The following STPG2 variants were observed in gnomAD, a reference collection of about 807,000 sequenced individuals.
STPG2 encodes the protein sperm tail PG-rich repeat containing 2.
In STPG2, 56 loss-of-function variants were observed where a neutral mutation model predicts 54.2. That is an observed-to-expected ratio of 1.03 (90% CI 0.83 to 1.29). STPG2 has a LOEUF of 1.29. STPG2 is among the 50% of genes most tolerant of loss of function. The pLI is 0.00. For synonymous variants in STPG2, 200 were observed against 181.8 expected (o/e 1.10, Z -0.81); for missense variants, 596 against 544.9 (o/e 1.09, Z -0.93).
At chr4:97,986,730 T>C (rs1017785958) in intron 5 of STPG2, among the ~76,000 whole-genome samples, 4 of 152,232 alleles carry the variant, frequency 2.6e-5, no homozygotes, top group Non-Finnish European at 5.9e-5. Context: ...ATTTTACCCA[T>C]ATGTTTTGGC....
intron 9 of STPG2, among the ~76,000 whole-genome samples, chr4:97,770,396 G>A (rs576141285): frequency 7.9e-5 from 12 of 152,110 alleles, no homozygotes; most frequent in Non-Finnish European, 1.6e-4. Flanking sequence ...GAACATTACA[G>A]GGTGAAGCTC....
chr4:97,759,615 G>A (rs557880253), intron 9 of STPG2, among the ~76,000 whole-genome samples: 3 of 152,102 alleles, frequency 2.0e-5, no homozygotes, highest in African/African-American at 7.2e-5. Flanking sequence ...AGAAAAGAAG[G>A]TTGGAGGATT....
At chr4:98,051,432 G>C (rs1269140256) in intron 5 of STPG2, among the ~76,000 whole-genome samples, 1 of 152,036 alleles carries the variant, frequency 6.6e-6, no homozygotes, top group Non-Finnish European at 1.5e-5. Context: ...TGGGGCTTTA[G>C]GGAGGCAATT....
At chr4:97,459,384 A>G (rs1729602216) in intron 4 of STPG2, among the ~76,000 whole-genome samples, 1 of 151,676 alleles carries the variant, frequency 6.6e-6, no homozygotes, top group South Asian at 2.1e-4. Context: ...CCCTAGAAAC[A>G]GAAGTCCTCT....
intron 8 of STPG2, among the ~76,000 whole-genome samples, chr4:97,911,797 AAGG>A (rs1731689815): frequency 6.6e-6 from 1 of 152,066 alleles, no homozygotes; most frequent in African/African-American, 2.4e-5. Flanking sequence ...TCTGCAGGAG[AAGG>A]GTTCTCCAGC....
chr4:97,812,900 T>C (rs1345920511), intron 9 of STPG2, among the ~76,000 whole-genome samples: 1 of 152,162 alleles, frequency 6.6e-6, no homozygotes, highest in African/African-American at 2.4e-5. Context: ...AAACAGAATA[T>C]CTTTCTCTTT....
intron 10 of STPG2, among the ~76,000 whole-genome samples, chr4:97,571,194 G>C (rs1036946093): frequency 2.0e-5 from 3 of 151,906 alleles, no homozygotes; most frequent in Non-Finnish European, 4.4e-5. Flanking sequence ...TTATAGCACA[G>C]GTAAAATAAT....
intron 10 of STPG2, among the ~76,000 whole-genome samples, chr4:97,569,008 C>T (rs963172878): frequency 2.2e-4 from 33 of 151,824 alleles, no homozygotes; most frequent in Admixed American, 1.9e-3. Context: ...GACTTTGAGG[C>T]AAGTCCATAA....
intron 10 of STPG2, among the ~76,000 whole-genome samples, chr4:97,686,822 T>C (rs911621857): frequency 2.6e-5 from 4 of 152,070 alleles, no homozygotes; most frequent in Admixed American, 2.0e-4. Context: ...GACTAATATT[T>C]ACTTTTTCTC....
At chr4:97,744,626 T>G (rs1356097497) in intron 9 of STPG2, among the ~76,000 whole-genome samples, 1 of 151,342 alleles carries the variant, frequency 6.6e-6, no homozygotes, top group East Asian at 1.9e-4. Flanking sequence ...ACCCTGTACA[T>G]ACCATGATTT....
intron 7 of STPG2, among the ~76,000 whole-genome samples, chr4:97,949,183 T>C (rs1578722565): frequency 6.6e-6 from 1 of 152,098 alleles, no homozygotes. Flanking sequence ...TGTCATTTTT[T>C]ACTGCTGTTG....
At chr4:97,827,109 A>AG (rs1370739466) in intron 9 of STPG2, among the ~76,000 whole-genome samples, 2 of 152,246 alleles carry the variant, frequency 1.3e-5, no homozygotes, top group African/African-American at 4.8e-5. Flanking sequence ...AACATCAAAC[A>AG]GGGGTTAAAC....
At chr4:98,040,505 A>C (rs1560650697) in intron 5 of STPG2, among the ~76,000 whole-genome samples, 2 of 151,736 alleles carry the variant, frequency 1.3e-5, no homozygotes, top group Non-Finnish European at 2.9e-5. Context: ...ATATGGTGAG[A>C]GATATGGGTC....
chr4:97,967,581 A>T, intron 7 of STPG2, among the ~76,000 whole-genome samples: 1 of 152,216 alleles, frequency 6.6e-6, no homozygotes, highest in East Asian at 1.9e-4. Context: ...CACTGCACCT[A>T]TTCCAAAATT....
At chr4:98,030,382 C>T (rs1330280689) in intron 5 of STPG2, among the ~76,000 whole-genome samples, 4 of 152,078 alleles carry the variant, frequency 2.6e-5, no homozygotes. Flanking sequence ...TATGCAATTC[C>T]CCAGAAATTC....
intron 5 of STPG2, among the ~76,000 whole-genome samples, chr4:98,060,445 T>C (rs112529285): frequency 0.011 from 1,711 of 152,260 alleles, 26 homozygotes; most frequent in African/African-American, 0.039. Context: ...AAACATCCCA[T>C]GCTCACGGAT....
intron 4 of STPG2, among the ~76,000 whole-genome samples, chr4:97,488,370 G>A (rs1253878293): frequency 1.3e-5 from 2 of 151,706 alleles, no homozygotes; most frequent in Non-Finnish European, 3.0e-5. Context: ...CCAGTTTACA[G>A]ATGAGAAAAC....
chr4:98,096,954 A>T lies in STPG2; in HGVS notation c.612+8999T>A, dbSNP rs184694942. 3.9e-5 allele frequency among the ~76,000 whole-genome samples: 6 copies of T among 152,300 alleles called. No homozygotes were observed. In the East Asian group the frequency reaches 1.2e-3, roughly 29 times the overall value. ...AAGAAATCCAAAACCTGAACAGAAC[A>T]AGTAATAAGATCAAAGCCATAATAA... On this transcript the variant is annotated intron_variant, in intron 5 of 10. Coordinates refer to ENST00000295268, the MANE Select transcript of STPG2 (RefSeq NM_174952.3).
chr4:97,538,245 C>T (rs1055433499), intron 4 of STPG2, among the ~76,000 whole-genome samples: 6 of 152,138 alleles, frequency 3.9e-5, no homozygotes, highest in African/African-American at 7.2e-5. Flanking sequence ...CAAACTTCTC[C>T]GAGCTAAAGG....
Sources: allele counts gnomAD v4.1 joint callset (sites outside exome capture counted in the v4.1 genomes callset), GRCh38; gene constraint gnomAD v4.1.1; transcripts MANE v1.5; gene names NCBI Gene and HGNC (gene_info 2026-07-23, HGNC 2026-07-21).